The following ADCY5 variants were observed in gnomAD, a reference collection of about 807,000 sequenced individuals.
ADCY5 encodes adenylate cyclase type 5.
ADCY5 carries 30 observed loss-of-function variants against 119.7 expected under a neutral mutation model. The observed-to-expected ratio is 0.25, with a 90% CI of 0.19 to 0.34. The LOEUF (loss-of-function observed/expected upper bound fraction) is 0.34. Among genes scored for constraint, ADCY5 ranks in the 10% least tolerant of loss-of-function variants. The pLI, the probability that ADCY5 is intolerant of heterozygous loss-of-function variation, is 1.00. For missense variants in ADCY5, 1,324 were observed against 1,775.2 expected, an observed-to-expected ratio of 0.75 and a Z score of 4.57; for synonymous variants, 753 against 762.2, an observed-to-expected ratio of 0.99 and a Z score of 0.20.
chr3:123,317,888 A>C, intron 11 of ADCY5, 132 bp downstream of exon 11: 1 of 805,994 alleles, frequency 1.2e-6, no homozygotes, highest in South Asian at 1.7e-5. Flanking sequence ...GGGCACACTC[A>C]GAAACTTCTC....
At chr3:123,431,936 G>C in intron 1 of ADCY5, among the ~76,000 whole-genome samples, 1 of 152,216 alleles carries the variant, frequency 6.6e-6, no homozygotes, top group Admixed American at 6.5e-5. Flanking sequence ...CAATCCTGGC[G>C]CACAACAGAA....
intron 1 of ADCY5, among the ~76,000 whole-genome samples, chr3:123,404,895 C>G (rs1482919430): frequency 3.9e-5 from 6 of 152,224 alleles, no homozygotes; most frequent in African/African-American, 1.4e-4. Flanking sequence ...TCTATCTATT[C>G]AGACCCCATC....
chr3:123,328,855 G>A (rs1003940811), intron 5 of ADCY5, 53 bp from the exon 6 acceptor site: 39 of 1,565,676 alleles, frequency 2.5e-5, no homozygotes, highest in Non-Finnish European at 3.1e-5. Flanking sequence ...CAGGCACACA[G>A]AATGGGGGTG....
rs1212229403 is a variant in ADCY5, at chr3:123,283,287, C to G, written c.*1321G>C. On this transcript the variant is annotated 3_prime_UTR_variant, in exon 21 of 21. Transcript: ENST00000462833. ...AAGCACCTGGCCTTCTGTAAGCACT[C>G]TGGAATCTGTGGGCGCTGCCTCTGT... 1 of 152,242 alleles carries G rather than the reference C, an allele frequency of 6.6e-6. No homozygotes were observed. The highest frequency in any genetic ancestry group is 2.4e-5 in the African/African-American group (1 of 41,464). 9.4% of individuals were successfully genotyped at this position (152,242 alleles called of 1,614,324 possible). A position where few individuals can be genotyped will look rare whatever the true frequency, so the allele number is the denominator to read the frequency against.
intron 12 of ADCY5, among the ~76,000 whole-genome samples, chr3:123,306,327 A>G (rs2108280077): frequency 6.6e-6 from 1 of 152,164 alleles, no homozygotes; most frequent in Admixed American, 6.5e-5. Context: ...ACAGATATCC[A>G]CATGCAAAAA....
intron 1 of ADCY5, among the ~76,000 whole-genome samples, chr3:123,446,089 A>G (rs1224080256): frequency 6.6e-6 from 1 of 152,154 alleles, no homozygotes; most frequent in Non-Finnish European, 1.5e-5. Context: ...AAAGGTAGCA[A>G]AGGCCCAGAG....
Position 123,303,916 on chromosome 3 carries a change from C to A in ADCY5, c.2559+151G>T, listed in dbSNP as rs4437082. The A allele has an allele frequency of 0.25, 132,339 of 538,590 alleles. 20,252 individuals carry two copies. The highest frequency in any genetic ancestry group is 0.72 in the East Asian group (25,027 of 34,568). The allele number at this position is 538,590 out of a possible 1,614,324, so 33.4% of individuals were successfully genotyped here. A position where few individuals can be genotyped will look rare whatever the true frequency, so the allele number is the denominator to read the frequency against. On this transcript the variant is annotated intron_variant, in intron 13 of 20. Coordinates refer to ENST00000462833, the MANE Select transcript of ADCY5 (RefSeq NM_183357.3). ...GAGAAGAAAGAACTTGTGTGAGGCA[C>A]ATTGAGCCAAAGCTGATCCCAGACC...
intron 1 of ADCY5, among the ~76,000 whole-genome samples, chr3:123,375,771 G>A (rs1015325539): frequency 2.6e-5 from 4 of 152,220 alleles, no homozygotes; most frequent in African/African-American, 9.6e-5. Context: ...TGTGTAGCAA[G>A]TGGATAGCTG....
chr3:123,328,526 T>C, intron 6 of ADCY5, 118 bp downstream of exon 6: 1 of 1,261,322 alleles, frequency 7.9e-7, no homozygotes, highest in Non-Finnish European at 1.1e-6. Flanking sequence ...CACAGGTGCT[T>C]GCTGCCCATC....
chr3:123,409,126 C>A (rs916126341), intron 1 of ADCY5, among the ~76,000 whole-genome samples: 1 of 152,166 alleles, frequency 6.6e-6, no homozygotes. Context: ...ATACAGGCAG[C>A]CAGGCTCTTG....
intron 1 of ADCY5, among the ~76,000 whole-genome samples, chr3:123,361,105 C>T (rs1943229817): frequency 1.3e-5 from 2 of 152,208 alleles, no homozygotes; most frequent in Non-Finnish European, 2.9e-5. Context: ...AGACACTCAA[C>T]TTTCTCTCAC....
At chr3:123,295,944 G>A in intron 17 of ADCY5, 140 bp downstream of exon 17, 1 of 1,247,470 alleles carries the variant, frequency 8.0e-7, no homozygotes, top group Non-Finnish European at 1.1e-6. Context: ...GCACCAAGTG[G>A]CTTCGATGGG....
At chr3:123,334,824 G>A (rs1941948436) in intron 3 of ADCY5, among the ~76,000 whole-genome samples, 1 of 152,188 alleles carries the variant, frequency 6.6e-6, no homozygotes, top group South Asian at 2.1e-4. Flanking sequence ...GTGATGTGAT[G>A]TCACGTATCC....
At chr3:123,410,465 C>G (rs1945016401) in intron 1 of ADCY5, among the ~76,000 whole-genome samples, 1 of 152,204 alleles carries the variant, frequency 6.6e-6, no homozygotes, top group Admixed American at 6.5e-5. Flanking sequence ...GGGCTAATCT[C>G]CTATTATTCC....
At chr3:123,428,132 C>T (rs1408031694) in intron 1 of ADCY5, among the ~76,000 whole-genome samples, 6 of 152,184 alleles carry the variant, frequency 3.9e-5, no homozygotes, top group African/African-American at 1.4e-4. Context: ...CTCTCTGCTT[C>T]TCCAGGTTTG....
At chr3:123,360,504 C>A (rs140292762) in intron 1 of ADCY5, among the ~76,000 whole-genome samples, 1 of 152,130 alleles carries the variant, frequency 6.6e-6, no homozygotes, top group Non-Finnish European at 1.5e-5. Flanking sequence ...TACCCAAAAA[C>A]CTGCCAGGAC....
intron 1 of ADCY5, among the ~76,000 whole-genome samples, chr3:123,420,976 C>T (rs1350387159): frequency 2.6e-5 from 4 of 152,234 alleles, no homozygotes; most frequent in Admixed American, 6.5e-5. Context: ...CTTGCCTCTG[C>T]GTATGTCTGT....
chr3:123,319,352 T>C (rs1305872562), intron 10 of ADCY5, among the ~76,000 whole-genome samples: 5 of 48,134 alleles, frequency 1.0e-4, no homozygotes, highest in African/African-American at 1.9e-4. Context: ...AAACTCCGTC[T>C]CAAAAAAAAA....
Position 123,318,090 on chromosome 3 carries a change from C to A in ADCY5, c.2284G>T (p.Gly762Cys). The A allele has an allele frequency of 1.2e-6, 2 of 1,613,756 alleles. No individual in the cohort carries two copies. The highest frequency in any genetic ancestry group is 1.7e-6 in the Non-Finnish European group (2 of 1,179,896). ...AGCGAGGCACACGCCACATAGGCACCAAATCGGTCGTCTACCTGCTTGGAG... is the reference window on the plus strand; with the variant it reads ...AGCGAGGCACACGCCACATAGGCACAAAATCGGTCGTCTACCTGCTTGGAG... ...KYSKQVDDRF[G>C]AYVACASLVF... is the part of the protein sequence containing the mutation. The change falls in exon 11 of 21, where the codon GGT becomes TGT. Residue 762 changes from glycine to cysteine, a missense_variant. Coordinates refer to ENST00000462833, the MANE Select transcript of ADCY5 (RefSeq NM_183357.3).
Sources: gnomAD v4.1 joint callset for allele counts (sites outside exome capture counted in the v4.1 genomes callset) on GRCh38, gnomAD v4.1.1 for gene constraint, MANE v1.5 for transcripts, NCBI Gene and HGNC (gene_info 2026-07-23, HGNC 2026-07-21) for gene names.